Variants in SIK2 observed in about 807,000 individuals in gnomAD.
The protein encoded by SIK2 is salt inducible kinase 2.
Under a neutral mutation model 103.2 loss-of-function variants are expected in SIK2, and 29 were observed. The observed-to-expected ratio is 0.28, with a 90% CI of 0.21 to 0.38. SIK2 has a LOEUF of 0.38. Among genes scored for constraint, SIK2 ranks in the 10% least tolerant of loss-of-function variants. The pLI is 1.00. For synonymous variants in SIK2, 412 were observed against 446.1 expected (o/e 0.92, Z 0.96); for missense variants, 879 against 1,171.0 (o/e 0.75, Z 3.64).
chr11:111,727,054 G>A lies in SIK2; in HGVS notation c.*2925G>A, dbSNP rs778594513. 1.9e-6 allele frequency: 3 copies of A among 1,613,772 alleles called. No homozygotes were observed. Among genetic ancestry groups the A allele is most frequent in the South Asian group, 1.1e-5 (1 of 91,052 alleles). ...GTATCTCCACGCAACTGATACACTG[G>A]TCCCTGTAAGGCAAACAGCATGTTA... On this transcript the variant is annotated 3_prime_UTR_variant, in exon 15 of 15. Transcript: ENST00000304987.
intron 3 of SIK2, among the ~76,000 whole-genome samples, chr11:111,657,216 G>C (rs1942402649): frequency 6.6e-6 from 1 of 152,180 alleles, no homozygotes; most frequent in South Asian, 2.1e-4. Context: ...TTTTTGGATA[G>C]ATCTTGAATT....
chr11:111,708,830 C>T (rs962241539), intron 8 of SIK2, among the ~76,000 whole-genome samples: 5 of 152,236 alleles, frequency 3.3e-5, no homozygotes, highest in Non-Finnish European at 5.9e-5. Flanking sequence ...TCAAGTAATC[C>T]TCCTACCGTG....
rs185077107 is a variant in SIK2, at chr11:111,720,457, C to T, written c.1496-21C>T. 3.2e-6 allele frequency: 5 copies of T among 1,573,602 alleles called. No homozygotes were observed. In the Admixed American group the frequency reaches 5.5e-5, roughly 17 times the overall value. On this transcript the variant is annotated intron_variant, in intron 10 of 14. Coordinates refer to ENST00000304987, the MANE Select transcript of SIK2 (RefSeq NM_015191.3). ...GAGATGCTATTGCTGTTGGTTTTAT[C>T]TGTTCTGTTTTCTCTTAAAGGGAAA... is the stretch of plus-strand genomic sequence containing the variant.
intron 2 of SIK2, among the ~76,000 whole-genome samples, chr11:111,616,925 C>T (rs938199733): frequency 1.3e-5 from 2 of 151,924 alleles, no homozygotes; most frequent in African/African-American, 4.8e-5. Flanking sequence ...CAGTTTTGCT[C>T]ATTTAAAAAG....
In SIK2 at chr11:111,677,186, G is replaced by C. The variant is rs555384901; in HGVS notation, c.317-10815G>C. Among the ~76,000 whole-genome samples, 8 of 152,276 alleles carry C rather than the reference G, an allele frequency of 5.3e-5. No individual in the cohort carries two copies. In the South Asian group the frequency reaches 8.3e-4, roughly 16 times the overall value. On this transcript the variant is annotated intron_variant, in intron 3 of 14. Coordinates refer to ENST00000304987, the MANE Select transcript of SIK2 (RefSeq NM_015191.3). Reference sequence around the variant, plus strand: ...AAATGTGACTCTGGCACTTTCCCAGGCTATTCAGTTTTTGTTTTTGTTTTT... The same window carrying C: ...AAATGTGACTCTGGCACTTTCCCAGCCTATTCAGTTTTTGTTTTTGTTTTT...
At chr11:111,616,702 C>G (rs1400934679) in intron 2 of SIK2, among the ~76,000 whole-genome samples, 2 of 152,030 alleles carry the variant, frequency 1.3e-5, no homozygotes, top group East Asian at 1.9e-4. Context: ...AAATATTAGC[C>G]TGGTGTGGTG....
At chr11:111,710,832 C>CT (rs766063151) in intron 8 of SIK2, among the ~76,000 whole-genome samples, 1 of 152,200 alleles carries the variant, frequency 6.6e-6, no homozygotes, top group Non-Finnish European at 1.5e-5. Flanking sequence ...AGAGGAGAAG[C>CT]TAGAATCTCA....
At chr11:111,662,905 A>T (rs1372357081) in intron 3 of SIK2, among the ~76,000 whole-genome samples, 1 of 151,282 alleles carries the variant, frequency 6.6e-6, no homozygotes, top group East Asian at 2.0e-4. Flanking sequence ...AATATTTTTA[A>T]AATAGCAAGT....
At chr11:111,671,372 C>T in intron 3 of SIK2, 1 of 241,708 alleles carries the variant, frequency 4.1e-6, no homozygotes, top group Non-Finnish European at 8.2e-6. Flanking sequence ...TGCTTAATGG[C>T]CAGCTCCCCA....
rs909839036 is a variant in SIK2 at position 111,728,904 on chromosome 11, A to G, written c.*4775A>G. 1 of 150,486 alleles carries G rather than the reference A, an allele frequency of 6.6e-6. No homozygotes were observed. Among genetic ancestry groups the G allele is most frequent in the African/African-American group, 2.5e-5 (1 of 40,436 alleles). The allele number at this position is 150,486 out of a possible 1,614,324, so 9.3% of individuals were successfully genotyped here. On this transcript the variant is annotated 3_prime_UTR_variant, in exon 15 of 15. Coordinates refer to ENST00000304987, the MANE Select transcript of SIK2 (RefSeq NM_015191.3). ...GTGCCACTGCACTCCAGCCTGGGCG[A>G]CAGAGCAAGACTCCACCTCAAAAAA...
chr11:111,621,916 TAA>T (rs1226124391), intron 3 of SIK2, among the ~76,000 whole-genome samples: 1 of 145,664 alleles, frequency 6.9e-6, no homozygotes. Context: ...TCATCTCAAT[TAA>T]AAAAAAAAAA....
chr11:111,629,311 C>T (rs918655273), intron 3 of SIK2, among the ~76,000 whole-genome samples: 1 of 152,156 alleles, frequency 6.6e-6, no homozygotes, highest in African/African-American at 2.4e-5. Flanking sequence ...TTCAAAGTCA[C>T]ACAGCAAATA....
intron 9 of SIK2, among the ~76,000 whole-genome samples, chr11:111,718,120 A>T (rs923209400): frequency 6.6e-6 from 1 of 152,230 alleles, no homozygotes; most frequent in African/African-American, 2.4e-5. Flanking sequence ...TCCTATAAGA[A>T]ATGTCTGGTA....
intron 3 of SIK2, among the ~76,000 whole-genome samples, chr11:111,662,892 CA>C (rs756141720): frequency 6.6e-5 from 10 of 150,628 alleles, no homozygotes; most frequent in Admixed American, 2.6e-4. Flanking sequence ...TACAATAAAA[CA>C]AAATATTTTT....
chr11:111,696,978 A>C (rs1461422651), intron 4 of SIK2, among the ~76,000 whole-genome samples: 1 of 152,250 alleles, frequency 6.6e-6, no homozygotes, highest in Non-Finnish European at 1.5e-5. Flanking sequence ...CTGTGAAGAA[A>C]TTAAAAGGCT....
At chr11:111,640,889 C>A (rs973363631) in intron 3 of SIK2, among the ~76,000 whole-genome samples, 9 of 151,864 alleles carry the variant, frequency 5.9e-5, no homozygotes, top group African/African-American at 2.2e-4. Context: ...CCCCCGCTAC[C>A]ACCCTCGGCT....
At chr11:111,710,530 C>A (rs1338287082) in intron 8 of SIK2, among the ~76,000 whole-genome samples, 1 of 152,158 alleles carries the variant, frequency 6.6e-6, no homozygotes, top group Non-Finnish European at 1.5e-5. Flanking sequence ...AATCATCAAT[C>A]CAAGATTCTA....
chr11:111,712,931 G>A (rs1176522015), intron 9 of SIK2, among the ~76,000 whole-genome samples: 6 of 152,140 alleles, frequency 3.9e-5, no homozygotes, highest in African/African-American at 7.2e-5. Context: ...TTGGGAGGCC[G>A]AGGCGGGCAG....
At chr11:111,612,947 T>TA (rs1565307068) in intron 1 of SIK2, among the ~76,000 whole-genome samples, 2,385 of 140,832 alleles carry the variant, frequency 0.017, 113 homozygotes, top group African/African-American at 0.059. Context: ...TATATATATA[T>TA]TTATGATCAT....
Sources: allele counts gnomAD v4.1 joint callset (sites outside exome capture counted in the v4.1 genomes callset), GRCh38; gene constraint gnomAD v4.1.1; transcripts MANE v1.5; gene names NCBI Gene and HGNC (gene_info 2026-07-23, HGNC 2026-07-21).